The following SLC9A2 variants were observed in gnomAD, a reference collection of about 807,000 sequenced individuals.
SLC9A2 encodes the protein solute carrier family 9 member A2.
In SLC9A2, 42 loss-of-function variants were observed where a neutral mutation model predicts 71.7. That is an observed-to-expected ratio of 0.59 (90% CI 0.46 to 0.76). The LOEUF is 0.76. SLC9A2 is among the 30% of genes least tolerant of loss of function. SLC9A2 has a pLI of 0.00. For missense variants in SLC9A2, 829 were observed against 1,017.4 expected, an observed-to-expected ratio of 0.81 and a Z score of 2.52; for synonymous variants, 396 against 392.5, an observed-to-expected ratio of 1.01 and a Z score of -0.10.
At chr2:102,670,849 C>CTTTTTTTTTTTTTTTTTTTTTTTTTTT (rs10687841) in intron 3 of SLC9A2, among the ~76,000 whole-genome samples, 1 of 75,892 alleles carries the variant, frequency 1.3e-5, no homozygotes, top group African/African-American at 4.8e-5. Context: ...GGAAGGCATG[C>CTTTTTTTTTTTTTTTTTTTTTTTTTTT]TTTTTTTTTT....
At chr2:102,679,369 GCT>G (rs1491210295) in intron 3 of SLC9A2, among the ~76,000 whole-genome samples, 1 of 79,500 alleles carries the variant, frequency 1.3e-5, no homozygotes. Context: ...CTACACCAAA[GCT>G]ATATATATAT....
At chr2:102,680,362 T>C (rs1309121503) in intron 3 of SLC9A2, among the ~76,000 whole-genome samples, 1 of 152,166 alleles carries the variant, frequency 6.6e-6, no homozygotes, top group Non-Finnish European at 1.5e-5. Context: ...AGCCAAAATA[T>C]GAAAGATGAA....
intron 1 of SLC9A2, among the ~76,000 whole-genome samples, chr2:102,646,764 CCTAA>C (rs1251624838): frequency 5.2e-5 from 4 of 77,520 alleles, no homozygotes; most frequent in African/African-American, 3.0e-4. Flanking sequence ...AGCTAACGAT[CCTAA>C]ATATATATAT....
chr2:102,639,268 C>G (rs150729200), intron 1 of SLC9A2, among the ~76,000 whole-genome samples: 72 of 152,360 alleles, frequency 4.7e-4, no homozygotes, highest in Admixed American at 1.6e-3. Flanking sequence ...GGCTATCATT[C>G]ACTCAACCAT....
intron 1 of SLC9A2, among the ~76,000 whole-genome samples, chr2:102,639,643 A>G (rs542170219): frequency 3.3e-5 from 5 of 152,296 alleles, no homozygotes; most frequent in African/African-American, 1.2e-4. Context: ...ACCTCCATCA[A>G]TCTTCACGAC....
intron 3 of SLC9A2, 135 bp from the exon 4 acceptor site, chr2:102,683,126 C>A: frequency 1.5e-6 from 1 of 678,822 alleles, no homozygotes; most frequent in Non-Finnish European, 2.6e-6. Context: ...ATCACATTCA[C>A]CTATAAAAAT....
chr2:102,650,842 C>G (rs1676817946), intron 1 of SLC9A2, among the ~76,000 whole-genome samples: 1 of 152,128 alleles, frequency 6.6e-6, no homozygotes, highest in African/African-American at 2.4e-5. Context: ...AGTGATGGCT[C>G]TTCTCTAGTG....
intron 3 of SLC9A2, among the ~76,000 whole-genome samples, chr2:102,675,536 C>T (rs2104533688): frequency 6.6e-6 from 1 of 152,214 alleles, no homozygotes. Flanking sequence ...ACTGGCTGTC[C>T]TAGGGCTGAG....
intron 2 of SLC9A2, among the ~76,000 whole-genome samples, chr2:102,662,875 A>G (rs1677073573): frequency 6.6e-6 from 1 of 152,030 alleles, no homozygotes; most frequent in African/African-American, 2.4e-5. Context: ...GTGGGATTAG[A>G]GCAAAGAAGA....
intron 1 of SLC9A2, among the ~76,000 whole-genome samples, chr2:102,644,143 T>C (rs541161413): frequency 5.9e-5 from 9 of 151,992 alleles, no homozygotes; most frequent in East Asian, 5.9e-4. Context: ...GGTCATCTCA[T>C]TGGGACTGGT....
At chr2:102,628,134 G>T (rs528889882) in intron 1 of SLC9A2, among the ~76,000 whole-genome samples, 11 of 151,820 alleles carry the variant, frequency 7.2e-5, no homozygotes, top group Non-Finnish European at 1.5e-4. Context: ...CAAACTAAAC[G>T]TATTCATAAT....
chr2:102,681,191 C>T (rs538232787), intron 3 of SLC9A2, among the ~76,000 whole-genome samples: 6 of 152,156 alleles, frequency 3.9e-5, no homozygotes, highest in Admixed American at 6.5e-5. Flanking sequence ...CATCAGAGAT[C>T]GTAGGGCTCA....
At chr2:102,703,418 C>G (rs1416868765) in intron 9 of SLC9A2, among the ~76,000 whole-genome samples, 1 of 152,142 alleles carries the variant, frequency 6.6e-6, no homozygotes, top group Non-Finnish European at 1.5e-5. Context: ...TTCTCGCTGT[C>G]CCCTGGGAGC....
At chr2:102,674,988 G>A (rs1018151430) in intron 3 of SLC9A2, among the ~76,000 whole-genome samples, 13 of 152,198 alleles carry the variant, frequency 8.5e-5, no homozygotes, top group Non-Finnish European at 1.5e-5. Flanking sequence ...AAACATTTCA[G>A]AGGAAGCACT....
intron 1 of SLC9A2, among the ~76,000 whole-genome samples, chr2:102,648,002 A>C (rs909552128): frequency 2.0e-5 from 3 of 152,224 alleles, no homozygotes; most frequent in African/African-American, 2.4e-5. Context: ...TGAGGCCAGC[A>C]TCACTCTGAT....
At chr2:102,699,468 C>A (rs1677832412) in intron 7 of SLC9A2, among the ~76,000 whole-genome samples, 1 of 152,140 alleles carries the variant, frequency 6.6e-6, no homozygotes, top group Non-Finnish European at 1.5e-5. Context: ...TTAACGGGAG[C>A]ACTTGGGCTT....
chr2:102,630,524 C>T (rs1676336718), intron 1 of SLC9A2, among the ~76,000 whole-genome samples: 1 of 151,954 alleles, frequency 6.6e-6, no homozygotes, highest in South Asian at 2.1e-4. Context: ...TTTAACGTGT[C>T]TAAGTATAGA....
At position 102,701,192 on chromosome 2, in the gene SLC9A2, C is replaced by T; in HGVS notation, c.1709C>T (p.Thr570Ile). The change falls in exon 8 of 12, where the codon ACT becomes ATT. Residue 570 changes from threonine to isoleucine, a missense_variant. Transcript: ENST00000233969. The stretch of plus-strand genomic sequence containing the variant: ...AAACATGCCATTGAGATGGCAGAGA[C>T]TGGGATGATAAGTACTGTCCCTACA... ...EIKHAIEMAE[T>I]GMISTVPTFA... is the part of the protein sequence containing the mutation. The T allele has an allele frequency of 6.2e-7, 1 of 1,609,962 alleles. No homozygotes were observed.
chr2:102,699,452 A>G lies in SLC9A2; in HGVS notation c.1587-1618A>G, dbSNP rs978408629. Reference sequence around the variant, plus strand: ...ATGCAGGACAGTTACATCATTAGACATATTTTTAACGGGAGCACTTGGGCT... The same window carrying G: ...ATGCAGGACAGTTACATCATTAGACGTATTTTTAACGGGAGCACTTGGGCT... On this transcript the variant is annotated intron_variant, in intron 7 of 11. Coordinates refer to ENST00000233969, the MANE Select transcript of SLC9A2 (RefSeq NM_003048.6). 2.0e-5 allele frequency among the ~76,000 whole-genome samples: 3 copies of G among 152,208 alleles called. No homozygotes were observed. In the South Asian group the frequency reaches 6.2e-4, roughly 32 times the overall value.
Sources: gnomAD v4.1 joint callset for allele counts (sites outside exome capture counted in the v4.1 genomes callset) on GRCh38, gnomAD v4.1.1 for gene constraint, MANE v1.5 for transcripts, NCBI Gene and HGNC (gene_info 2026-07-23, HGNC 2026-07-21) for gene names.